KIF26B: variants seen among roughly 807,000 people sequenced by gnomAD.
KIF26B encodes the protein kinesin-like protein KIF26B.
KIF26B carries 63 observed loss-of-function variants against 151.2 expected under a neutral mutation model. That is an observed-to-expected ratio of 0.42 (90% CI 0.34 to 0.51). The LOEUF (loss-of-function observed/expected upper bound fraction) is 0.51, where lower values mean the gene tolerates loss of function less well. KIF26B is among the 20% of genes least tolerant of loss of function. The pLI, the probability that KIF26B is intolerant of heterozygous loss-of-function variation, is 0.07. For synonymous variants in KIF26B, 1,357 were observed against 1,262.1 expected (o/e 1.08, Z -1.59); for missense variants, 2,813 against 2,913.6 (o/e 0.97, Z 0.79).
At chr1:245,595,311 G>A (rs930564903) in intron 5 of KIF26B, among the ~76,000 whole-genome samples, 2 of 152,152 alleles carry the variant, frequency 1.3e-5, no homozygotes, top group Non-Finnish European at 2.9e-5. Context: ...GTCATAAATA[G>A]CTCTTATTAT....
At chr1:245,408,419 A>G (rs1674192075) in intron 3 of KIF26B, among the ~76,000 whole-genome samples, 1 of 133,734 alleles carries the variant, frequency 7.5e-6, no homozygotes, top group Non-Finnish European at 1.5e-5. Flanking sequence ...CAGTGGTGCG[A>G]TCTCAGCTCA....
intron 3 of KIF26B, among the ~76,000 whole-genome samples, chr1:245,387,076 G>A (rs767667667): frequency 6.6e-6 from 1 of 152,116 alleles, no homozygotes; most frequent in African/African-American, 2.4e-5. Context: ...TTATAGGAAC[G>A]GTAATCCAGA....
intron 9 of KIF26B, among the ~76,000 whole-genome samples, chr1:245,636,379 T>A (rs1438291962): frequency 6.6e-6 from 1 of 151,932 alleles, no homozygotes; most frequent in East Asian, 1.9e-4. Flanking sequence ...ACAACATTTT[T>A]CATCTTCAGT....
At chr1:245,626,112 G>A (rs2043721307) in intron 9 of KIF26B, among the ~76,000 whole-genome samples, 3 of 152,024 alleles carry the variant, frequency 2.0e-5, no homozygotes, top group Admixed American at 2.0e-4. Flanking sequence ...TCTTGGTCCC[G>A]TTCCATTCAT....
chr1:245,513,980 C>T (rs1425388256), intron 4 of KIF26B, among the ~76,000 whole-genome samples: 10 of 152,256 alleles, frequency 6.6e-5, no homozygotes, highest in African/African-American at 2.2e-4. Flanking sequence ...GCACCCCTTC[C>T]GAACCTCATC....
intron 3 of KIF26B, among the ~76,000 whole-genome samples, chr1:245,402,999 C>T (rs1324522879): frequency 2.0e-5 from 3 of 152,184 alleles, no homozygotes; most frequent in Admixed American, 2.0e-4. Context: ...AATGGGGTCT[C>T]ACTCTGTTGC....
chr1:245,304,667 G>A (rs1456443882), intron 2 of KIF26B, among the ~76,000 whole-genome samples: 1 of 148,346 alleles, frequency 6.7e-6, no homozygotes, highest in African/African-American at 2.4e-5. Flanking sequence ...CTGTCTGCCT[G>A]TCTGCCTGTC....
intron 4 of KIF26B, among the ~76,000 whole-genome samples, chr1:245,505,229 C>T (rs890322522): frequency 1.6e-4 from 20 of 123,708 alleles, no homozygotes; most frequent in African/African-American, 5.9e-4. Context: ...TGAGCCACTG[C>T]GCCTCGCCTA....
chr1:245,193,081 C>T (rs1228325937), intron 2 of KIF26B, among the ~76,000 whole-genome samples: 2 of 152,108 alleles, frequency 1.3e-5, no homozygotes, highest in Non-Finnish European at 2.9e-5. Flanking sequence ...TCTGTTGTTC[C>T]CCTCCTAGTA....
chr1:245,414,804 C>T (rs1216359856), intron 3 of KIF26B, among the ~76,000 whole-genome samples: 5 of 152,328 alleles, frequency 3.3e-5, no homozygotes, highest in African/African-American at 1.2e-4. Context: ...GTTTCTTTAT[C>T]TACCTTCCTT....
In KIF26B at chr1:245,688,903, GGC is replaced by G. The variant is rs1558274494; in HGVS notation, c.5824+98_5824+99del. 5.6e-5 allele frequency: 79 copies of G among 1,419,384 alleles called. No homozygotes were observed. In the African/African-American group the frequency reaches 1.1e-3, roughly 20 times the overall value. The allele number at this position is 1,419,384 out of a possible 1,614,324, so 87.9% of individuals were successfully genotyped here. On this transcript the variant is annotated intron_variant, in intron 12 of 14. Transcript: ENST00000407071. ...AGGGTGTCCCGTGCCCTGGGGAGGGGGCGTCCAGGCCTGGCCTCTCCTTGCAG... is the reference window on the plus strand; with the variant it reads ...AGGGTGTCCCGTGCCCTGGGGAGGGGGTCCAGGCCTGGCCTCTCCTTGCAG...
At chr1:245,469,493 A>G (rs1659863471) in intron 4 of KIF26B, among the ~76,000 whole-genome samples, 1 of 152,186 alleles carries the variant, frequency 6.6e-6, no homozygotes, top group Non-Finnish European at 1.5e-5. Context: ...AGTATGTATT[A>G]TTAATATTTA....
chr1:245,442,414 G>C (rs1184623686), intron 4 of KIF26B, among the ~76,000 whole-genome samples: 1 of 152,102 alleles, frequency 6.6e-6, no homozygotes, highest in Non-Finnish European at 1.5e-5. Context: ...GTTTTAGGTC[G>C]GGGTCCCCAG....
chr1:245,155,459 C>A lies in KIF26B; in HGVS notation c.35C>A (p.Ala12Glu), dbSNP rs755441267. Residue 12 changes from alanine (A) to glutamate (E), a missense_variant, in exon 1 of 15, where the codon GCG (alanine) becomes GAG (glutamate). This residue lies in a region of KIF26B where 676 missense variants were observed against 688.1 expected (regional missense o/e 0.98). Coordinates refer to ENST00000407071, the MANE Select transcript of KIF26B (RefSeq NM_018012.4). ...NSVAGNKERL[A>E]VSTRGKKYGV... is the part of the protein sequence containing the mutation. The stretch of plus-strand genomic sequence containing the variant: ...GTAGCTGGGAATAAAGAGAGGCTTG[C>A]GGTCTCCACCAGGGGCAAGAAATAC... 1 of 1,609,964 alleles carries A rather than the reference C, an allele frequency of 6.2e-7. No individual in the cohort carries two copies. Among genetic ancestry groups the A allele is most frequent in the Admixed American group, 1.7e-5 (1 of 59,414 alleles).
intron 3 of KIF26B, 83 bp from the exon 4 acceptor site, chr1:245,419,496 C>T: frequency 1.5e-6 from 2 of 1,349,460 alleles, no homozygotes; most frequent in Non-Finnish European, 2.0e-6. Flanking sequence ...TTGCCTCCCT[C>T]CCCCAAATAG....
intron 2 of KIF26B, among the ~76,000 whole-genome samples, chr1:245,173,489 A>G (rs1314487345): frequency 2.0e-5 from 3 of 152,152 alleles, no homozygotes; most frequent in Non-Finnish European, 4.4e-5. Context: ...AATACGTACA[A>G]TCTGGCCACC....
intron 4 of KIF26B, among the ~76,000 whole-genome samples, chr1:245,439,551 AG>A (rs2103046238): frequency 6.6e-6 from 1 of 152,246 alleles, no homozygotes; most frequent in South Asian, 2.1e-4. Context: ...TTTTCCCCCA[AG>A]GGCTCAAGAT....
At chr1:245,478,478 A>T (rs1572082713) in intron 4 of KIF26B, among the ~76,000 whole-genome samples, 1 of 132,546 alleles carries the variant, frequency 7.5e-6, no homozygotes, top group Middle Eastern at 4.5e-3. Flanking sequence ...CCCAGGCTGG[A>T]GTGCGGTGGC....
rs55993346 is a variant in KIF26B at position 245,191,059 on chromosome 1, CAAAAAAAAAAA to C, written c.465+34394_465+34404del. On this transcript the variant is annotated intron_variant, in intron 2 of 14. Coordinates refer to ENST00000407071, the MANE Select transcript of KIF26B (RefSeq NM_018012.4). ...GGGTGACAAGAGCAAGACTCTGTCTCAAAAAAAAAAAAAAAAAAAAAAAAAAAAGAGATAAG... is the reference window on the plus strand; with the variant it reads ...GGGTGACAAGAGCAAGACTCTGTCTCAAAAAAAAAAAAAAAAAGAGATAAG... Among the ~76,000 whole-genome samples, 9 of 52,076 alleles carry C rather than the reference CAAAAAAAAAAA, an allele frequency of 1.7e-4. No homozygotes were observed. The South Asian group carries it at 8.5e-3, about 49-fold the overall frequency. The allele number at this position is 52,076 out of a possible 152,430, so 34.2% of individuals were successfully genotyped here. A position where few individuals can be genotyped will look rare whatever the true frequency, so the allele number is the denominator to read the frequency against.
Sources: gnomAD v4.1 joint callset for allele counts (sites outside exome capture counted in the v4.1 genomes callset) on GRCh38, gnomAD v4.1.1 for gene constraint, gnomAD v4.1.1 regional missense constraint, MANE v1.5 for transcripts, NCBI Gene and HGNC (gene_info 2026-07-23, HGNC 2026-07-21) for gene names.